Variants in CYTH2 observed in about 807,000 individuals in gnomAD.
CYTH2 encodes cytohesin-2.
A neutral mutation model predicts 55.4 loss-of-function variants in CYTH2; 24 were observed. The ratio of observed to expected loss-of-function variants is 0.43; its 90% CI spans 0.31 to 0.61. CYTH2 has a LOEUF of 0.61. Among genes scored for constraint, CYTH2 ranks in the 20% least tolerant of loss-of-function variants. The probability of loss-of-function intolerance (pLI) is 0.08; values close to 1 mark genes in which losing one functional copy is unlikely to be tolerated. For missense variants in CYTH2, 378 were observed against 533.5 expected, an observed-to-expected ratio of 0.71 and a Z score of 2.87; for synonymous variants, 221 against 209.6, an observed-to-expected ratio of 1.05 and a Z score of -0.47.
At position 48,469,886 on chromosome 19, in the gene CYTH2, G is replaced by T. The variant is rs190391220; in HGVS notation, c.19+360G>T. 1.4e-5 allele frequency: 8 copies of T among 552,926 alleles called. No individual in the cohort carries two copies. In the East Asian group the frequency reaches 3.1e-4, roughly 21 times the overall value. The allele number at this position is 552,926 out of a possible 1,614,324, so 34.3% of individuals were successfully genotyped here. A position where few individuals can be genotyped will look rare whatever the true frequency, so the allele number is the denominator to read the frequency against. Reference sequence around the variant, plus strand: ...AGGGGAGAAATCTTGGGGGGCGGGGGCCTTCGATGTCCCGCCCCACCTTCC... The same window carrying T: ...AGGGGAGAAATCTTGGGGGGCGGGGTCCTTCGATGTCCCGCCCCACCTTCC... On this transcript the variant is annotated intron_variant, in intron 1 of 11. Transcript: ENST00000452733.
At chr19:48,477,585 C>G in intron 8 of CYTH2, 1 of 163,726 alleles carries the variant, frequency 6.1e-6, no homozygotes, top group Non-Finnish European at 1.3e-5. Flanking sequence ...GTTTGCCTCT[C>G]TGTCCTGCCC....
intron 8 of CYTH2, chr19:48,476,527 C>CG (rs1405331885): frequency 5.2e-5 from 8 of 152,566 alleles, no homozygotes; most frequent in African/African-American, 1.9e-4. Context: ...TGGCAGTGAG[C>CG]GGGCCAGAAA....
chr19:48,470,275 T>A, intron 1 of CYTH2, 78 bp from the exon 2 acceptor site: 1 of 1,530,654 alleles, frequency 6.5e-7, no homozygotes, highest in Non-Finnish European at 8.8e-7. Context: ...CTCTCCCAGC[T>A]CTGTCCGCCC....
chr19:48,475,090 A>G, intron 8 of CYTH2, 141 bp downstream of exon 8: 1 of 692,716 alleles, frequency 1.4e-6, no homozygotes, highest in South Asian at 1.9e-5. Context: ...TTCCACACCC[A>G]AAAAATGGGG....
Position 48,479,352 on chromosome 19 carries a change from C to T in CYTH2, c.*142C>T, listed in dbSNP as rs746331323. On this transcript the variant is annotated 3_prime_UTR_variant, in exon 12 of 12. Transcript: ENST00000452733. ...TCCTCACTGTTCTTTGTAATTAACA[C>T]GCTGTTGGTAATCTTATTAATTATT... 1.8e-4 allele frequency: 132 copies of T among 734,452 alleles called. No individual in the cohort carries two copies. The highest frequency in any genetic ancestry group is 2.6e-4 in the Non-Finnish European group (114 of 441,078). The allele number at this position is 734,452 out of a possible 1,614,324, so 45.5% of individuals were successfully genotyped here. A position where few individuals can be genotyped will look rare whatever the true frequency, so the allele number is the denominator to read the frequency against.
Position 48,470,681 on chromosome 19 carries a change from C to A in CYTH2, c.234+12C>A, listed in dbSNP as rs759776992. ...TGGACCCCAAGAAGGTGCTTGGGGC[C>A]ACAGGACTGGGATCAGCTGGGCAAA... On this transcript the variant is annotated intron_variant, in intron 3 of 11. Transcript: ENST00000452733. The A allele has an allele frequency of 1.9e-6, 3 of 1,614,144 alleles. No homozygotes were observed. The Admixed American group carries it at 5.0e-5, about 27-fold the overall frequency.
chr19:48,470,310 C>T lies in CYTH2; in HGVS notation c.20-43C>T, dbSNP rs370901902. 5.1e-6 allele frequency: 8 copies of T among 1,554,718 alleles called. No individual in the cohort carries two copies. The African/African-American group carries it at 6.9e-5, about 13-fold the overall frequency. ...CCCAGATTGCAGGAATTCAGGCTCACGGCCCCTAGCACTGACTTTTAAACC... is the reference window on the plus strand; with the variant it reads ...CCCAGATTGCAGGAATTCAGGCTCATGGCCCCTAGCACTGACTTTTAAACC... On this transcript the variant is annotated intron_variant, in intron 1 of 11. Coordinates refer to ENST00000452733, the MANE Select transcript of CYTH2 (RefSeq NM_004228.7).
chr19:48,470,408 G>T lies in CYTH2; in HGVS notation c.75G>T (p.Arg25=). 6.2e-7 allele frequency: 1 copy of T among 1,614,018 alleles called. No homozygotes were observed. Among genetic ancestry groups the T allele is most frequent in the South Asian group, 1.1e-5 (1 of 91,086 alleles). Reference sequence around the variant, plus strand: ...TGGAGCTGGAGAACATCCGGCGGCGGAAGCAGGAGCTGCTGGTGGAGATTC... The same window carrying T: ...TGGAGCTGGAGAACATCCGGCGGCGTAAGCAGGAGCTGCTGGTGGAGATTC... ...ERMELENIRR[R]KQELLVEIQR... Residue 25 remains arginine (R), a synonymous_variant, in exon 2 of 12, where the codon CGG becomes CGT. Coordinates refer to ENST00000452733, the MANE Select transcript of CYTH2 (RefSeq NM_004228.7).
intron 3 of CYTH2, among the ~76,000 whole-genome samples, chr19:48,470,887 A>G (rs1425335443): frequency 6.6e-6 from 1 of 152,068 alleles, no homozygotes; most frequent in Non-Finnish European, 1.5e-5. Context: ...CCCTGCCTGG[A>G]AGGTCGTCTT....
In CYTH2 at chr19:48,474,549, C is replaced by T. The variant is rs1183872272; in HGVS notation, c.696+219C>T. On this transcript the variant is annotated intron_variant, in intron 7 of 11. Coordinates refer to ENST00000452733, the MANE Select transcript of CYTH2 (RefSeq NM_004228.7). This position sits in a 1 kb window ranked among gnomAD's most constrained non-coding sequence, Gnocchi z 4.9. ...CTGACAATTTTGGCCTGTCTGTCTT[C>T]TCTGTCTCTGGCTGTTGGGCTTTCC... 6.6e-6 allele frequency among the ~76,000 whole-genome samples: 1 copy of T among 152,208 alleles called. No individual in the cohort carries two copies. The highest frequency in any genetic ancestry group is 1.5e-5 in the Non-Finnish European group (1 of 68,038).
intron 1 of CYTH2, chr19:48,469,793 A>T: frequency 2.5e-6 from 1 of 395,816 alleles, no homozygotes; most frequent in East Asian, 7.1e-5. Flanking sequence ...GGGCGGAACC[A>T]TTCCCGCTGG....
chr19:48,479,076 G>A (rs1569093512), intron 11 of CYTH2, 47 bp from the exon 12 acceptor site: 1 of 1,591,200 alleles, frequency 6.3e-7, no homozygotes, highest in Non-Finnish European at 8.6e-7. Flanking sequence ...AGGGGCTGGA[G>A]GCCTGGACTC....
rs941668283 is a variant in CYTH2 at position 48,479,397 on chromosome 19, C to T, written c.*187C>T. On this transcript the variant is annotated 3_prime_UTR_variant, in exon 12 of 12. Coordinates refer to ENST00000452733, the MANE Select transcript of CYTH2 (RefSeq NM_004228.7). ...ATTATTTAACCACTTGGCCTGCTGA[C>T]CCCCTCATTTCTTGGGGTTGACAGA... is the stretch of plus-strand genomic sequence containing the variant. The T allele has an allele frequency of 6.6e-6, 4 of 605,124 alleles. No homozygotes were observed. Among genetic ancestry groups the T allele is most frequent in the Non-Finnish European group, 8.6e-6 (3 of 347,842 alleles). 37.5% of individuals were successfully genotyped at this position (605,124 alleles called of 1,614,324 possible).
At chr19:48,469,880 G>C in intron 1 of CYTH2, 2 of 566,302 alleles carry the variant, frequency 3.5e-6, no homozygotes, top group Admixed American at 2.3e-5. Context: ...ATCTTGGGGG[G>C]CGGGGGCCTT....
chr19:48,479,070 G>C, intron 11 of CYTH2, 53 bp from the exon 12 acceptor site: 13 of 1,579,992 alleles, frequency 8.2e-6, no homozygotes, highest in South Asian at 3.3e-5. Flanking sequence ...GGGAGGAGGG[G>C]CTGGAGGCCT....
At position 48,479,467 on chromosome 19, in the gene CYTH2, C is replaced by T; in HGVS notation, c.*257C>T. ...CCAGCCTGTTTCCCTGGACAGGGGC[C>T]TGGACCCGCCTGTCTCTGGGTGCTG... is the stretch of plus-strand genomic sequence containing the variant. On this transcript the variant is annotated 3_prime_UTR_variant, in exon 12 of 12. Transcript: ENST00000452733. 1 of 492,570 alleles carries T rather than the reference C, an allele frequency of 2.0e-6. No homozygotes were observed. Among genetic ancestry groups the T allele is most frequent in the Non-Finnish European group, 3.7e-6 (1 of 272,162 alleles). The allele number at this position is 492,570 out of a possible 1,614,324, so 30.5% of individuals were successfully genotyped here.
chr19:48,477,888 C>T (rs1946036654), intron 8 of CYTH2, 181 bp from the exon 9 acceptor site: 3 of 575,754 alleles, frequency 5.2e-6, no homozygotes, highest in East Asian at 2.8e-5. Context: ...TGGGGGTGGA[C>T]GATTCCTGGA....
In CYTH2 at chr19:48,478,084, C is replaced by T. The variant is rs1198558580; in HGVS notation, c.824C>T (p.Thr275Met). 2.5e-6 allele frequency: 4 copies of T among 1,613,944 alleles called. No homozygotes were observed. The highest frequency in any genetic ancestry group is 1.3e-5 in the African/African-American group (1 of 74,934). Residue 275 changes from threonine to methionine, a missense_variant, in exon 9 of 12, where the codon ACG (threonine) becomes ATG (methionine). Thr to Met is a moderately conservative substitution (Grantham distance 81). Coordinates refer to ENST00000452733, the MANE Select transcript of CYTH2 (RefSeq NM_004228.7). ...WLLKLGGRVK[T>M]WKRRWFILTD... Reference sequence around the variant, plus strand: ...TCCCTTTCAGGGGGCCGGGTGAAGACGTGGAAGCGGCGCTGGTTTATCCTC... The same window carrying T: ...TCCCTTTCAGGGGGCCGGGTGAAGATGTGGAAGCGGCGCTGGTTTATCCTC...
intron 8 of CYTH2, chr19:48,477,754 A>C: frequency 7.7e-6 from 3 of 391,586 alleles, no homozygotes; most frequent in Non-Finnish European, 4.7e-6. Flanking sequence ...TCCCATCACT[A>C]GACGAGGGGA....
Sources: allele counts gnomAD v4.1 joint callset (sites outside exome capture counted in the v4.1 genomes callset), GRCh38; gene constraint gnomAD v4.1.1; non-coding constraint Gnocchi (gnomAD v3.1); transcripts MANE v1.5; gene names NCBI Gene and HGNC (gene_info 2026-07-23, HGNC 2026-07-21).